ZNF729: variants seen among roughly 807,000 people sequenced by gnomAD.
The protein encoded by ZNF729 is zinc finger protein 729.
ZNF729 carries 15 observed loss-of-function variants against 12.2 expected under a neutral mutation model. The ratio of observed to expected loss-of-function variants is 1.23; its 90% CI spans 0.82 to 1.89. The LOEUF (loss-of-function observed/expected upper bound fraction) is 1.89, where lower values mean the gene tolerates loss of function less well. ZNF729 is among the 40% of genes most tolerant of loss of function. ZNF729 has a pLI of 0.00. For missense variants in ZNF729, 1,540 were observed against 1,456.7 expected, an observed-to-expected ratio of 1.06 and a Z score of -0.93; for synonymous variants, 492 against 476.3, an observed-to-expected ratio of 1.03 and a Z score of -0.43.
At chr19:22,290,533 G>A (rs530780014) in intron 1 of ZNF729, among the ~76,000 whole-genome samples, 3 of 152,226 alleles carry the variant, frequency 2.0e-5, no homozygotes, top group South Asian at 4.2e-4. Context: ...GGAGGGGATG[G>A]CAAATGGAGG....
chr19:22,291,331 G>C (rs78734353), intron 1 of ZNF729, among the ~76,000 whole-genome samples: 5,688 of 152,078 alleles, frequency 0.037, 360 homozygotes, highest in African/African-American at 0.13. Context: ...GAGTAAAAAA[G>C]TTCTGATAAC....
At chr19:22,302,764 G>A (rs1203189843) in intron 1 of ZNF729, among the ~76,000 whole-genome samples, 1 of 152,300 alleles carries the variant, frequency 6.6e-6, no homozygotes, top group Non-Finnish European at 1.5e-5. Flanking sequence ...GTCCCACCCT[G>A]GAGTCTTACC....
chr19:22,304,827 A>G, intron 3 of ZNF729, 44 bp downstream of exon 3: 1 of 1,587,078 alleles, frequency 6.3e-7, no homozygotes, highest in Non-Finnish European at 8.6e-7. Context: ...TAAGAGGTCC[A>G]GAGGTCAAGG....
In ZNF729 at chr19:22,286,516, C is replaced by G; in HGVS notation, c.-10C>G. 1 of 1,613,518 alleles carries G rather than the reference C, an allele frequency of 6.2e-7. No individual in the cohort carries two copies. The highest frequency in any genetic ancestry group is 8.5e-7 in the Non-Finnish European group (1 of 1,179,954). ...CTGTAACCTGCGGCATTGGAAGATC[C>G]ACAGCTAACATGCCAGGTGCCCCTG... On this transcript the variant is annotated 5_prime_UTR_variant, in exon 1 of 4. Transcript: ENST00000601693.
intron 3 of ZNF729, among the ~76,000 whole-genome samples, chr19:22,307,739 A>G (rs111868052): frequency 0.02 from 2,868 of 144,506 alleles, 91 homozygotes; most frequent in African/African-American, 0.072. Context: ...GCAAAACTCC[A>G]TCAAAAAAAA....
rs1046418635 is a variant in ZNF729 at position 22,294,243 on chromosome 19, C to T, written c.30+7688C>T. 3.0e-4 allele frequency among the ~76,000 whole-genome samples: 46 copies of T among 152,300 alleles called. 1 individual carries two copies. Among genetic ancestry groups the T allele is most frequent in the African/African-American group, 8.2e-4 (34 of 41,586 alleles). On this transcript the variant is annotated intron_variant, in intron 1 of 3. Transcript: ENST00000601693. ...AATAGGGAATTCTTCCCACATTCCT[C>T]TTGTTAGTTTTGTCAAAGATCAGTT...
chr19:22,301,450 CTGTT>C (rs1435950551), intron 1 of ZNF729, among the ~76,000 whole-genome samples: 1 of 152,206 alleles, frequency 6.6e-6, no homozygotes, highest in East Asian at 1.9e-4. Flanking sequence ...TGATTGTACT[CTGTT>C]TGCTGTAACA....
At chr19:22,303,293 G>A (rs1405360651) in intron 1 of ZNF729, among the ~76,000 whole-genome samples, 1 of 151,700 alleles carries the variant, frequency 6.6e-6, no homozygotes, top group Non-Finnish European at 1.5e-5. Flanking sequence ...CATCACTGGT[G>A]AGCTTGTCAG....
chr19:22,293,494 A>ATTTTTTTTT lies in ZNF729; in HGVS notation c.30+6948_30+6956dup, dbSNP rs56180581. ...AGCCACCACTCCTAGCCTTTTGTCT[A>ATTTTTTTTT]TTTTTTTTTTTTTTTTTGAGACAGT... On this transcript the variant is annotated intron_variant, in intron 1 of 3. Transcript: ENST00000601693. Among the ~76,000 whole-genome samples, 776 of 95,990 alleles carry ATTTTTTTTT rather than the reference A, an allele frequency of 8.1e-3. 63 individuals are homozygous for ATTTTTTTTT. The highest frequency in any genetic ancestry group is 0.016 in the African/African-American group (389 of 23,620). 63.0% of individuals were successfully genotyped at this position (95,990 alleles called of 152,430 possible).
chr19:22,298,278 A>G (rs1968258002), intron 1 of ZNF729, among the ~76,000 whole-genome samples: 1 of 152,044 alleles, frequency 6.6e-6, no homozygotes, highest in African/African-American at 2.4e-5. Flanking sequence ...TGCTGTTCAT[A>G]CTTTTGAAAC....
chr19:22,293,311 G>C (rs1226815419), intron 1 of ZNF729, among the ~76,000 whole-genome samples: 1 of 151,840 alleles, frequency 6.6e-6, no homozygotes, highest in Non-Finnish European at 1.5e-5. Context: ...TCAGCCTCCT[G>C]AGTGGATGGA....
At chr19:22,301,966 G>A (rs1968312801) in intron 1 of ZNF729, among the ~76,000 whole-genome samples, 1 of 152,310 alleles carries the variant, frequency 6.6e-6, no homozygotes, top group African/African-American at 2.4e-5. Flanking sequence ...TCATCATTGG[G>A]TCATTAGCCC....
At chr19:22,296,181 A>C (rs1310758771) in intron 1 of ZNF729, among the ~76,000 whole-genome samples, 1 of 152,016 alleles carries the variant, frequency 6.6e-6, no homozygotes, top group Admixed American at 6.6e-5. Flanking sequence ...TCAATTTTGG[A>C]ATAGTTTTAG....
chr19:22,298,378 T>C (rs1968259868), intron 1 of ZNF729, among the ~76,000 whole-genome samples: 1 of 152,194 alleles, frequency 6.6e-6, no homozygotes, highest in Non-Finnish European at 1.5e-5. Context: ...GCCTTATATC[T>C]AATACATTAG....
intron 1 of ZNF729, chr19:22,299,972 A>G (rs1226245565): frequency 6.6e-6 from 1 of 152,302 alleles, no homozygotes; most frequent in Non-Finnish European, 1.5e-5. Context: ...GTAGTGGTCA[A>G]GAGAGGACAC....
intron 3 of ZNF729, among the ~76,000 whole-genome samples, chr19:22,307,439 T>C (rs1167775217): frequency 2.0e-5 from 3 of 149,550 alleles, no homozygotes; most frequent in Non-Finnish European, 2.9e-5. Flanking sequence ...TCAAGTGTTA[T>C]GGATTAAGAA....
intron 3 of ZNF729, among the ~76,000 whole-genome samples, chr19:22,307,316 A>ATTTTTTTTTTTTTTTTTTTT (rs35650592): frequency 1.0e-5 from 1 of 95,300 alleles, no homozygotes; most frequent in Non-Finnish European, 2.1e-5. Flanking sequence ...ACAATGTAGC[A>ATTTTTTTTTTTTTTTTTTTT]TTTTTTTTTT....
Position 22,314,232 on chromosome 19 carries a change from C to A in ZNF729, c.815C>A (p.Ala272Asp). The A allele has an allele frequency of 6.2e-7, 1 of 1,606,826 alleles. No homozygotes were observed. Among genetic ancestry groups the A allele is most frequent in the Non-Finnish European group, 8.5e-7 (1 of 1,177,072 alleles). ...TTCAGATGTGAAGAATGTGGCAAAG[C>A]TTTTAACCAGTCCTCAAATCTTACT... is the stretch of plus-strand genomic sequence containing the variant. ...TPFRCEECGK[A>D]FNQSSNLTDH... is the part of the protein sequence containing the mutation. The change falls in exon 4 of 4, where the codon GCT becomes GAT. Residue 272 changes from alanine (A) to aspartate (D), a missense_variant. Coordinates refer to ENST00000601693, the MANE Select transcript of ZNF729 (RefSeq NM_001242680.2).
At chr19:22,301,901 A>G (rs1373643405) in intron 1 of ZNF729, among the ~76,000 whole-genome samples, 1 of 152,310 alleles carries the variant, frequency 6.6e-6, no homozygotes, top group Non-Finnish European at 1.5e-5. Flanking sequence ...TCTGGAGCTT[A>G]ACCAGGGCGG....
Sources: gnomAD v4.1 joint callset for allele counts (sites outside exome capture counted in the v4.1 genomes callset) on GRCh38, gnomAD v4.1.1 for gene constraint, MANE v1.5 for transcripts, NCBI Gene and HGNC (gene_info 2026-07-23, HGNC 2026-07-21) for gene names.